Variants in ITIH5 observed in about 807,000 individuals in gnomAD.
The protein encoded by ITIH5 is inter-alpha-trypsin inhibitor heavy chain 5, also known as inter-alpha-trypsin inhibitor heavy chain H5.
In ITIH5, 65 loss-of-function variants were observed where a neutral mutation model predicts 77.5. That is an observed-to-expected ratio of 0.84 (90% CI 0.69 to 1.03). ITIH5 has a LOEUF of 1.03. Among genes scored for constraint, ITIH5 ranks in the 50% least tolerant of loss-of-function variants. The pLI is 0.00. For synonymous variants in ITIH5, 525 were observed against 494.3 expected, an observed-to-expected ratio of 1.06 and a Z score of -0.82; for missense variants, 1,208 against 1,213.1, an observed-to-expected ratio of 1.00 and a Z score of 0.06.
intron 5 of ITIH5, chr10:7,622,485 A>G (rs947253579): frequency 1.2e-4 from 18 of 152,178 alleles, no homozygotes; most frequent in African/African-American, 4.1e-4. Flanking sequence ...CTTCCCCTTC[A>G]GAAGTAGTTT....
intron 5 of ITIH5, among the ~76,000 whole-genome samples, chr10:7,635,813 C>G (rs1833789683): frequency 6.6e-6 from 1 of 152,152 alleles, no homozygotes; most frequent in African/African-American, 2.4e-5. Flanking sequence ...TTCCGCTTGT[C>G]CAGGCAACGC....
At chr10:7,589,638 T>C (rs4625365) in intron 7 of ITIH5, among the ~76,000 whole-genome samples, 45,502 of 151,690 alleles carry the variant, frequency 0.3, 7,362 homozygotes, top group East Asian at 0.49. Context: ...CACTATTCTC[T>C]GTTCTCTCCT....
At chr10:7,665,529 A>C (rs1292463990) in intron 1 of ITIH5, among the ~76,000 whole-genome samples, 1 of 152,252 alleles carries the variant, frequency 6.6e-6, no homozygotes, top group Non-Finnish European at 1.5e-5. Flanking sequence ...AGAGCTGATA[A>C]GTGACAGAAT....
intron 13 of ITIH5, among the ~76,000 whole-genome samples, chr10:7,565,199 CACACAT>C (rs1349624957): frequency 6.8e-6 from 1 of 147,644 alleles, no homozygotes; most frequent in Non-Finnish European, 1.5e-5. Context: ...TATATATACA[CACACAT>C]ACACACACAT....
At chr10:7,611,908 C>G (rs1025355189) in intron 7 of ITIH5, among the ~76,000 whole-genome samples, 1 of 106,276 alleles carries the variant, frequency 9.4e-6, no homozygotes, top group Admixed American at 1.3e-4. Flanking sequence ...AAATATCCAC[C>G]TGCAATTTTT....
intron 7 of ITIH5, chr10:7,600,499 G>T: frequency 2.2e-6 from 1 of 456,596 alleles, no homozygotes. Flanking sequence ...AATGAGCCCG[G>T]TCTCTCCTCC....
At chr10:7,564,975 A>C (rs1022747289) in intron 13 of ITIH5, among the ~76,000 whole-genome samples, 7 of 149,524 alleles carry the variant, frequency 4.7e-5, no homozygotes, top group Non-Finnish European at 7.4e-5. Context: ...ATATACATAT[A>C]CACACACGTT....
chr10:7,665,361 A>T (rs1834345060), intron 1 of ITIH5, among the ~76,000 whole-genome samples: 1 of 152,230 alleles, frequency 6.6e-6, no homozygotes, highest in Non-Finnish European at 1.5e-5. Flanking sequence ...TTCACTCAGC[A>T]TGTCAGCAGC....
At chr10:7,647,557 A>G (rs535432408) in intron 2 of ITIH5, among the ~76,000 whole-genome samples, 43 of 148,286 alleles carry the variant, frequency 2.9e-4, no homozygotes, top group African/African-American at 1.1e-3. Context: ...ATTTTGTGGA[A>G]AATTTTTGTG....
At chr10:7,590,876 C>T (rs987140638) in intron 7 of ITIH5, among the ~76,000 whole-genome samples, 4 of 152,142 alleles carry the variant, frequency 2.6e-5, no homozygotes, top group Admixed American at 1.3e-4. Flanking sequence ...CCCTCGCTGC[C>T]CTCAGCATAA....
At position 7,569,781 on chromosome 10, in the gene ITIH5, T is replaced by A. The variant is rs770154829; in HGVS notation, c.2036A>T (p.Asp679Val). ...PRIKISKTSVDGDPHFVVDFP... is the reference protein window; with the variant it reads ...PRIKISKTSVVGDPHFVVDFP... Reference sequence around the variant, plus strand: ...ATCCACAACAAAGTGGGGATCACCATCCACTGCCAGAGCAGAAGAAAACGG... The same window carrying A: ...ATCCACAACAAAGTGGGGATCACCAACCACTGCCAGAGCAGAAGAAAACGG... Residue 679 changes from aspartate to valine, a missense_variant, in exon 12 of 14, where the codon GAT becomes GTT. Asp to Val is a radical substitution (Grantham distance 152). Coordinates refer to ENST00000397146, the MANE Select transcript of ITIH5 (RefSeq NM_030569.7). 10 of 1,597,080 alleles carry A rather than the reference T, an allele frequency of 6.3e-6. No individual in the cohort carries two copies. The highest frequency in any genetic ancestry group is 4.5e-5 in the South Asian group (4 of 88,642).
chr10:7,571,136 T>C (rs1588360354), intron 11 of ITIH5, among the ~76,000 whole-genome samples: 1 of 152,244 alleles, frequency 6.6e-6, no homozygotes, highest in Non-Finnish European at 1.5e-5. Context: ...GGGAAGTGCC[T>C]CAACTTCCCT....
At chr10:7,625,089 C>T (rs998395501) in intron 5 of ITIH5, among the ~76,000 whole-genome samples, 17 of 151,420 alleles carry the variant, frequency 1.1e-4, no homozygotes, top group Admixed American at 2.0e-4. Flanking sequence ...TTCTCTGGCA[C>T]GCAGGCAGAG....
chr10:7,617,324 T>G (rs1833389620), intron 5 of ITIH5, 42 bp from the exon 6 acceptor site: 1 of 1,288,068 alleles, frequency 7.8e-7, no homozygotes, highest in Non-Finnish European at 1.0e-6. Flanking sequence ...TTAATATATA[T>G]TTTTCCAAAA....
chr10:7,604,380 G>A (rs972703368), intron 7 of ITIH5, among the ~76,000 whole-genome samples: 4 of 152,194 alleles, frequency 2.6e-5, no homozygotes, highest in African/African-American at 9.7e-5. Context: ...CTCATCTGCT[G>A]TTCCCACAGG....
In ITIH5 at chr10:7,566,306, G is replaced by A. The variant is rs1832156121; in HGVS notation, c.2251C>T (p.Pro751Ser). 1 of 1,613,746 alleles carries A rather than the reference G, an allele frequency of 6.2e-7. No individual in the cohort carries two copies. The stretch of plus-strand genomic sequence containing the variant: ...GTGATCTCGAGATAAGATCTCTCTG[G>A]CTTGTTGATGAGGATGGTGATAGTG... ...LRTITILINK[P>S]ERSYLEITPS... Residue 751 changes from proline to serine, a missense_variant, in exon 13 of 14, where the codon CCA becomes TCA. By Grantham distance (74) the Pro-to-Ser change is moderately conservative. Transcript: ENST00000397146.
intron 1 of ITIH5, among the ~76,000 whole-genome samples, chr10:7,662,621 G>A (rs900713953): frequency 1.1e-4 from 17 of 152,218 alleles, no homozygotes; most frequent in Admixed American, 8.5e-4. Context: ...TGGGGAAAGT[G>A]CTAGTTAGGA....
chr10:7,567,873 CA>C (rs1198968006), intron 12 of ITIH5, among the ~76,000 whole-genome samples: 2 of 152,070 alleles, frequency 1.3e-5, no homozygotes, highest in East Asian at 3.9e-4. Context: ...AACTACATCT[CA>C]AAAAAACAAA....
At chr10:7,587,934 G>C (rs535992348) in intron 7 of ITIH5, among the ~76,000 whole-genome samples, 1 of 152,122 alleles carries the variant, frequency 6.6e-6, no homozygotes, top group Admixed American at 6.5e-5. Context: ...CACTGCTTTC[G>C]TATCCTTTCC....
Sources: allele counts gnomAD v4.1 joint callset (sites outside exome capture counted in the v4.1 genomes callset), GRCh38; gene constraint gnomAD v4.1.1; transcripts MANE v1.5; gene names NCBI Gene and HGNC (gene_info 2026-07-23, HGNC 2026-07-21).